The following PLXNA4 variants were observed in gnomAD, a reference collection of about 807,000 sequenced individuals.
PLXNA4 encodes plexin A4, also known as plexin-A4.
PLXNA4 carries 44 observed loss-of-function variants against 191.8 expected under a neutral mutation model. That is an observed-to-expected ratio of 0.23 (90% confidence interval 0.18 to 0.29). The LOEUF (loss-of-function observed/expected upper bound fraction) is 0.29, where lower values mean the gene tolerates loss of function less well. PLXNA4 is among the 10% of genes least tolerant of loss of function. The probability of loss-of-function intolerance (pLI) is 1.00; values close to 1 mark genes in which losing one functional copy is unlikely to be tolerated. For synonymous variants in PLXNA4, 1,082 were observed against 1,009.5 expected, an observed-to-expected ratio of 1.07 and a Z score of -1.36; for missense variants, 1,800 against 2,488.8, an observed-to-expected ratio of 0.72 and a Z score of 5.89.
chr7:132,549,313 T>C (rs1800450443), intron 1 of PLXNA4, among the ~76,000 whole-genome samples: 1 of 152,274 alleles, frequency 6.6e-6, no homozygotes, highest in South Asian at 2.1e-4. Context: ...CCTATCATCA[T>C]CCCACCTAAG....
chr7:132,138,065 C>T (rs964881370), intron 30 of PLXNA4, among the ~76,000 whole-genome samples: 5 of 152,142 alleles, frequency 3.3e-5, no homozygotes, highest in Admixed American at 6.5e-5. Flanking sequence ...ACTCAACATA[C>T]TGGCAGAATC....
chr7:132,568,709 A>T (rs1801845379), intron 1 of PLXNA4, among the ~76,000 whole-genome samples: 1 of 152,226 alleles, frequency 6.6e-6, no homozygotes, highest in Non-Finnish European at 1.5e-5. Context: ...CACTGCTGGA[A>T]GCAGAGGCTG....
intron 9 of PLXNA4, among the ~76,000 whole-genome samples, chr7:132,211,626 G>GCAGA (rs1257826863): frequency 2.6e-5 from 4 of 152,232 alleles, no homozygotes; most frequent in Non-Finnish European, 5.9e-5. Context: ...ACTGCCGCAG[G>GCAGA]GAGGCTGGGA....
At chr7:132,455,633 G>A (rs569372515) in intron 3 of PLXNA4, among the ~76,000 whole-genome samples, 1 of 152,150 alleles carries the variant, frequency 6.6e-6, no homozygotes, top group African/African-American at 2.4e-5. Flanking sequence ...TCCTCCGTTT[G>A]CATTCTCCAC....
chr7:132,456,617 C>T (rs1398350299), intron 3 of PLXNA4, among the ~76,000 whole-genome samples: 5 of 151,916 alleles, frequency 3.3e-5, no homozygotes, highest in Non-Finnish European at 4.4e-5. Flanking sequence ...GAGAAGATAA[C>T]GACTCAGCTG....
At chr7:132,385,801 C>T (rs202066638) in intron 3 of PLXNA4, among the ~76,000 whole-genome samples, 149 of 152,342 alleles carry the variant, frequency 9.8e-4, no homozygotes, top group Middle Eastern at 3.4e-3. Flanking sequence ...CAACCTTGCC[C>T]CTCACTAATA....
chr7:132,516,333 T>A (rs1336911760), intron 1 of PLXNA4, among the ~76,000 whole-genome samples: 1 of 152,124 alleles, frequency 6.6e-6, no homozygotes, highest in African/African-American at 2.4e-5. Context: ...AGAAACTACG[T>A]CTTTCGTATA....
chr7:132,140,673 C>A lies in PLXNA4; in HGVS notation c.5364G>T (p.Arg1788=). The A allele has an allele frequency of 3.1e-6, 5 of 1,614,148 alleles. No individual in the cohort carries two copies. Among genetic ancestry groups the A allele is most frequent in the South Asian group, 1.1e-5 (1 of 91,060 alleles). The change falls in exon 30 of 32, where the codon CGG becomes CGT. Residue 1788 remains arginine (R), a synonymous_variant. Transcript: ENST00000321063. ...TGTTGGAGGGCGAGTCCTTGCCCAG[C>A]CGGTGCTCTGACGTGGAGCAAGAGT... ...FMDSCSTSEH[R]LGKDSPSNKL... is the part of the protein sequence containing the mutation.
chr7:132,563,655 CTTCCTCCTCCTTCTCCTCCTCTTT>C (rs1801499405), intron 1 of PLXNA4, among the ~76,000 whole-genome samples: 1 of 122,692 alleles, frequency 8.2e-6, no homozygotes, highest in African/African-American at 3.1e-5. Flanking sequence ...TCCTTCTCCT[CTTCCTCCTCCTTCTCCTCCTCTTT>C]CTCCTCCTCC....
At chr7:132,152,540 T>C (rs374335257) in intron 25 of PLXNA4, among the ~76,000 whole-genome samples, 1 of 152,214 alleles carries the variant, frequency 6.6e-6, no homozygotes, top group Non-Finnish European at 1.5e-5. Context: ...TTTCACCAGA[T>C]GGGCTCCTTC....
intron 15 of PLXNA4, 64 bp downstream of exon 15, chr7:132,187,407 T>C: frequency 1.3e-6 from 2 of 1,558,238 alleles, no homozygotes; most frequent in Non-Finnish European, 1.7e-6. Flanking sequence ...AAAGCTACCC[T>C]GAAGTCATTT....
At chr7:132,301,727 T>C (rs535959269) in intron 3 of PLXNA4, among the ~76,000 whole-genome samples, 1 of 152,364 alleles carries the variant, frequency 6.6e-6, no homozygotes, top group East Asian at 1.9e-4. Flanking sequence ...CTTTATCTAC[T>C]GCAGTTCTGG....
At chr7:132,479,603 T>A (rs1415681554) in intron 3 of PLXNA4, among the ~76,000 whole-genome samples, 2 of 151,798 alleles carry the variant, frequency 1.3e-5, no homozygotes, top group Non-Finnish European at 2.9e-5. Flanking sequence ...TGTCCAGGAG[T>A]GGTTTTGGGG....
intron 3 of PLXNA4, among the ~76,000 whole-genome samples, chr7:132,353,339 A>G (rs1040546759): frequency 6.6e-6 from 1 of 152,170 alleles, no homozygotes; most frequent in African/African-American, 2.4e-5. Context: ...ATTAAATCAC[A>G]TCTGAGGACT....
chr7:132,525,357 C>T (rs900589401), intron 1 of PLXNA4, among the ~76,000 whole-genome samples: 13 of 152,180 alleles, frequency 8.5e-5, no homozygotes, highest in African/African-American at 2.7e-4. Context: ...TCAAACAATC[C>T]TCCCACCTCA....
At chr7:132,637,885 G>T (rs1803640203) in intron 2 of PLXNA4, among the ~76,000 whole-genome samples, 1 of 152,190 alleles carries the variant, frequency 6.6e-6, no homozygotes, top group South Asian at 2.1e-4. Context: ...TTGTACGTTG[G>T]CTCAGTTTCT....
chr7:132,581,390 G>A (rs945675000), upstream of PLXNA4, among the ~76,000 whole-genome samples: 5 of 152,186 alleles, frequency 3.3e-5, no homozygotes, highest in Admixed American at 6.5e-5. Flanking sequence ...ATTAACATCC[G>A]AATTTCAACT....
rs368876098 is a variant in PLXNA4, at chr7:132,178,381, C to T, written c.3874+1306G>A. Among the ~76,000 whole-genome samples, 16 of 152,220 alleles carry T rather than the reference C, an allele frequency of 1.1e-4. No homozygotes were observed. The East Asian group carries it at 1.2e-3, about 11-fold the overall frequency. On this transcript the variant is annotated intron_variant, in intron 20 of 31. Coordinates refer to ENST00000321063, the MANE Select transcript of PLXNA4 (RefSeq NM_020911.2). ...GCTGCCCCCTCCCAGTTGGGGTGCTCGGCCCACAGGGAGCAGAAGGAGGGA... is the reference window on the plus strand; with the variant it reads ...GCTGCCCCCTCCCAGTTGGGGTGCTTGGCCCACAGGGAGCAGAAGGAGGGA...
At chr7:132,327,089 G>GGAGGAAAGGAGGGAGGGAGA (rs1802399197) in intron 3 of PLXNA4, among the ~76,000 whole-genome samples, 1 of 136,498 alleles carries the variant, frequency 7.3e-6, no homozygotes. Flanking sequence ...AGGGAGGGTA[G>GGAGGAAAGGAGGGAGGGAGA]GAAGAAAGGA....
Sources: allele counts gnomAD v4.1 joint callset (sites outside exome capture counted in the v4.1 genomes callset), GRCh38; gene constraint gnomAD v4.1.1; transcripts MANE v1.5; gene names NCBI Gene and HGNC (gene_info 2026-07-23, HGNC 2026-07-21).